Variants in ABCB5 observed in about 807,000 individuals in gnomAD.
ABCB5 encodes the protein ATP binding cassette subfamily B member 5, also known as ATP-binding cassette sub-family B member 5.
ABCB5 carries 155 observed loss-of-function variants against 144.2 expected under a neutral mutation model. The ratio of observed to expected loss-of-function variants is 1.08; its 90% confidence interval spans 0.94 to 1.23. The LOEUF (loss-of-function observed/expected upper bound fraction) is 1.23. ABCB5 is among the 50% of genes most tolerant of loss of function. The pLI is 0.00. For missense variants in ABCB5, 1,830 were observed against 1,520.8 expected (o/e 1.20, Z -3.38); for synonymous variants, 610 against 528.6 (o/e 1.15, Z -2.11).
intron 23 of ABCB5, among the ~76,000 whole-genome samples, chr7:20,729,632 T>C (rs528448852): frequency 6.6e-6 from 1 of 152,206 alleles, no homozygotes; most frequent in Non-Finnish European, 1.5e-5. Context: ...GCTGAGAGCC[T>C]AAAATATCAG....
In ABCB5 at chr7:20,728,463, G is replaced by A. The variant is rs532906749; in HGVS notation, c.2867+8G>A. The stretch of plus-strand genomic sequence containing the variant: ...CCCAGAGGGCATGTTCATGTAAGTC[G>A]TGGAAATAGTCCGGACCTGGTAGCT... On this transcript the variant is annotated splice_region_variant and intron_variant, in intron 23 of 27. Coordinates refer to ENST00000404938, the MANE Select transcript of ABCB5 (RefSeq NM_001163941.2). 516 of 1,613,586 alleles carry A rather than the reference G, an allele frequency of 3.2e-4. 2 individuals are homozygous for A. Among genetic ancestry groups the A allele is most frequent in the South Asian group, 3.3e-4 (30 of 91,058 alleles).
chr7:20,718,119 C>A (rs1242533507), intron 20 of ABCB5, among the ~76,000 whole-genome samples: 1 of 150,372 alleles, frequency 6.7e-6, no homozygotes, highest in Admixed American at 6.6e-5. Context: ...CCGTGTTAGC[C>A]AGGATGGTCT....
At chr7:20,692,815 G>T (rs1786279041) in intron 16 of ABCB5, among the ~76,000 whole-genome samples, 1 of 152,062 alleles carries the variant, frequency 6.6e-6, no homozygotes, top group South Asian at 2.1e-4. Context: ...GACAGCCAAA[G>T]TAATTTTCTT....
chr7:20,657,043 T>G lies in ABCB5; in HGVS notation c.1537-1463T>G, dbSNP rs190816959. Among the ~76,000 whole-genome samples the G allele has an allele frequency of 3.1e-3, 461 of 150,288 alleles. 11 individuals carry two copies. Among genetic ancestry groups the G allele is most frequent in the Admixed American group, 0.028 (424 of 15,020 alleles). On this transcript the variant is annotated intron_variant, in intron 13 of 27. Coordinates refer to ENST00000404938, the MANE Select transcript of ABCB5 (RefSeq NM_001163941.2). Reference sequence around the variant, plus strand: ...CTCAGGCAGTCCTTCCACCTCAGCCTCCTGAGTAGCTCATGCCACTACACC... The same window carrying G: ...CTCAGGCAGTCCTTCCACCTCAGCCGCCTGAGTAGCTCATGCCACTACACC...
intron 23 of ABCB5, among the ~76,000 whole-genome samples, chr7:20,731,813 C>G (rs1283309339): frequency 6.6e-6 from 1 of 152,096 alleles, no homozygotes; most frequent in Non-Finnish European, 1.5e-5. Context: ...GACTCTAATT[C>G]CAAAATTCTT....
chr7:20,647,385 T>C (rs1409992582), intron 9 of ABCB5, 150 bp from the exon 10 acceptor site: 2 of 1,379,110 alleles, frequency 1.5e-6, no homozygotes, highest in Non-Finnish European at 1.9e-6. Context: ...GTAATCTGTG[T>C]TCTTTTTTAT....
intron 26 of ABCB5, among the ~76,000 whole-genome samples, chr7:20,746,461 C>T (rs1175741364): frequency 6.6e-6 from 1 of 152,204 alleles, no homozygotes; most frequent in Non-Finnish European, 1.5e-5. Context: ...CCTAAACATC[C>T]TATTTTTAAA....
At chr7:20,751,742 G>C (rs970710600) in intron 26 of ABCB5, among the ~76,000 whole-genome samples, 4 of 152,154 alleles carry the variant, frequency 2.6e-5, no homozygotes, top group African/African-American at 9.7e-5. Flanking sequence ...GCAGTGTTTG[G>C]AAATGAACGG....
intron 14 of ABCB5, chr7:20,667,052 G>T: frequency 1.8e-6 from 1 of 555,944 alleles, no homozygotes; most frequent in East Asian, 5.9e-5. Context: ...TATTTTTCTA[G>T]TACACTTGAT....
chr7:20,625,003 C>A (rs1471284179), intron 2 of ABCB5, among the ~76,000 whole-genome samples: 2 of 152,226 alleles, frequency 1.3e-5, no homozygotes, highest in Non-Finnish European at 2.9e-5. Context: ...CCCAAGCCCT[C>A]CTTCGAAACC....
chr7:20,743,055 AC>A lies in ABCB5; in HGVS notation c.3207del (p.Val1070CysfsTer15). 2 of 1,613,930 alleles carry A rather than the reference AC, an allele frequency of 1.2e-6. No individual in the cohort carries two copies. The highest frequency in any genetic ancestry group is 1.7e-6 in the Non-Finnish European group (2 of 1,179,902). ...GTTCAACTTCTGCAGAGACTTTATG[AC>A]CCCGTGCAAGGACAAGTGGTAAGAC... ...TSVQLLQRLY[D>X]PVQGQVLFDG... is the part of the protein sequence containing the mutation. On this transcript the variant is annotated frameshift_variant, in exon 25 of 28. Coordinates refer to ENST00000404938, the MANE Select transcript of ABCB5 (RefSeq NM_001163941.2). LOFTEE classifies it high-confidence loss of function.
intron 2 of ABCB5, among the ~76,000 whole-genome samples, chr7:20,625,464 T>C (rs1354445420): frequency 2.0e-5 from 3 of 152,182 alleles, no homozygotes; most frequent in African/African-American, 7.2e-5. Flanking sequence ...CTCCTTGAAA[T>C]GTGAGCATAC....
intron 14 of ABCB5, among the ~76,000 whole-genome samples, chr7:20,679,277 G>T (rs1158479762): frequency 6.6e-6 from 1 of 151,906 alleles, no homozygotes; most frequent in African/African-American, 2.4e-5. Flanking sequence ...AGATCAGCCT[G>T]GCCAACATGG....
intron 5 of ABCB5, 143 bp downstream of exon 5, chr7:20,632,256 A>G: frequency 1.8e-6 from 1 of 557,590 alleles, no homozygotes. Flanking sequence ...TTCTTTCATT[A>G]GGTATATAAA....
At chr7:20,626,803 A>G (rs973227952) in intron 3 of ABCB5, among the ~76,000 whole-genome samples, 192 bp downstream of exon 3, 2 of 151,970 alleles carry the variant, frequency 1.3e-5, no homozygotes, top group African/African-American at 4.8e-5. Context: ...AGGATAGGGA[A>G]AAATAGCATA....
In ABCB5 at chr7:20,645,982, T is replaced by C. The variant is rs1429687058; in HGVS notation, c.825T>C (p.Asp275=). Residue 275 remains aspartate, a synonymous_variant, in exon 9 of 28, where the codon GAT becomes GAC. Coordinates refer to ENST00000404938, the MANE Select transcript of ABCB5 (RefSeq NM_001163941.2). The part of the protein sequence containing the change: ...ELQRYTQNLK[D]AKDFGIKRTI... Reference sequence around the variant, plus strand: ...TAAGGTATACACAGAATCTCAAAGATGCAAAGGATTTTGGCATAAAAAGGA... The same window carrying C: ...TAAGGTATACACAGAATCTCAAAGACGCAAAGGATTTTGGCATAAAAAGGA... The C allele has an allele frequency of 1.2e-6, 2 of 1,613,662 alleles. No individual in the cohort carries two copies. Among genetic ancestry groups the C allele is most frequent in the Admixed American group, 1.7e-5 (1 of 59,948 alleles).
Position 20,643,313 on chromosome 7 carries a change from G to T in ABCB5, c.444G>T (p.Leu148Phe). The T allele has an allele frequency of 6.2e-7, 1 of 1,613,914 alleles. No individual in the cohort carries two copies. Among genetic ancestry groups the T allele is most frequent in the African/African-American group, 1.3e-5 (1 of 75,026 alleles). Residue 148 changes from leucine (L) to phenylalanine (F), a missense_variant, in exon 6 of 28, where the codon TTG becomes TTT. Physicochemically the swap from Leu to Phe is conservative, Grantham distance 22. Coordinates refer to ENST00000404938, the MANE Select transcript of ABCB5 (RefSeq NM_001163941.2). ...GAAAACAGTTTTTTCATTCAGTTTTGGCACAGGACATCGGCTGGTTTGATA... is the reference window on the plus strand; with the variant it reads ...GAAAACAGTTTTTTCATTCAGTTTTTGCACAGGACATCGGCTGGTTTGATA... The part of the protein sequence containing the change: ...RIRKQFFHSV[L>F]AQDIGWFDSC...
At chr7:20,748,953 C>A (rs1203389409) in intron 26 of ABCB5, among the ~76,000 whole-genome samples, 15 of 152,130 alleles carry the variant, frequency 9.9e-5, no homozygotes, top group Admixed American at 9.8e-4. Flanking sequence ...CTGAGGATTT[C>A]TTTTACTTTT....
intron 26 of ABCB5, among the ~76,000 whole-genome samples, chr7:20,746,186 C>G (rs895845199): frequency 5.3e-5 from 8 of 152,180 alleles, no homozygotes; most frequent in African/African-American, 1.9e-4. Flanking sequence ...TCAGCTCCAC[C>G]TCCCGTGTTC....
Sources: gnomAD v4.1 joint callset for allele counts (sites outside exome capture counted in the v4.1 genomes callset) on GRCh38, gnomAD v4.1.1 for gene constraint, MANE v1.5 for transcripts, NCBI Gene and HGNC (gene_info 2026-07-23, HGNC 2026-07-21) for gene names.